OVCH1: variants seen among roughly 807,000 people sequenced by gnomAD.
The protein encoded by OVCH1 is ovochymase 1.
OVCH1 carries 139 observed loss-of-function variants against 138.4 expected under a neutral mutation model. The observed-to-expected ratio is 1.00, with a 90% confidence interval of 0.87 to 1.16. The LOEUF (loss-of-function observed/expected upper bound fraction) is 1.16. Ranked by LOEUF, OVCH1 falls within the 50% of genes most tolerant of loss-of-function variation. The pLI, the probability that OVCH1 is intolerant of heterozygous loss-of-function variation, is 0.00. For synonymous variants in OVCH1, 453 were observed against 467.8 expected (o/e 0.97, Z 0.41); for missense variants, 1,367 against 1,357.9 (o/e 1.01, Z -0.11).
intron 16 of OVCH1, among the ~76,000 whole-genome samples, chr12:29,466,896 C>T (rs922375622): frequency 2.6e-5 from 4 of 152,244 alleles, no homozygotes; most frequent in Middle Eastern, 6.8e-3. Context: ...ACTGTTTCTT[C>T]AGGAAAAGTA....
At chr12:29,491,257 G>A in intron 4 of OVCH1, 65 bp from the exon 5 acceptor site, 3 of 1,331,476 alleles carry the variant, frequency 2.3e-6, no homozygotes, top group African/African-American at 1.5e-5. Context: ...ATTTGGAAAA[G>A]TGAAATCTCT....
chr12:29,462,072 T>G, intron 18 of OVCH1, 64 bp from the exon 19 acceptor site: 1 of 1,537,814 alleles, frequency 6.5e-7, no homozygotes, highest in South Asian at 1.2e-5. Context: ...GTTAGAAATG[T>G]ATTTAAGTTC....
At chr12:29,410,854 G>C (rs1344495306), downstream of OVCH1, among the ~76,000 whole-genome samples, 1 of 151,460 alleles carries the variant, frequency 6.6e-6, no homozygotes, top group Non-Finnish European at 1.5e-5. Context: ...CTGAATGTTG[G>C]CCTGCGTTGC....
At chr12:29,487,806 G>A (rs1233519411) in exon 7 of OVCH1, 2 of 1,606,152 alleles carry the variant, frequency 1.2e-6, no homozygotes, top group Non-Finnish European at 1.7e-6. Context: ...AGCACAACCA[G>A]CTACCCAGGA....
chr12:29,408,103 C>G (rs1024152574), downstream of OVCH1, among the ~76,000 whole-genome samples: 4 of 135,068 alleles, frequency 3.0e-5, no homozygotes, highest in African/African-American at 9.9e-5. Flanking sequence ...ATTTGGCTCT[C>G]TGTTTGTCTG....
At chr12:29,436,943 CG>C (rs1941373969) in intron 26 of OVCH1, among the ~76,000 whole-genome samples, 2 of 152,168 alleles carry the variant, frequency 1.3e-5, no homozygotes, top group Admixed American at 1.3e-4. Context: ...CTGCTGGCCC[CG>C]GTGGCCAGCT....
chr12:29,468,046 G>T (rs1236572574), intron 16 of OVCH1, among the ~76,000 whole-genome samples: 1 of 152,172 alleles, frequency 6.6e-6, no homozygotes, highest in African/African-American at 2.4e-5. Flanking sequence ...ATTAAAAAAT[G>T]TGGCACATAG....
intron 21 of OVCH1, among the ~76,000 whole-genome samples, chr12:29,453,146 A>G (rs950954708): frequency 6.6e-6 from 1 of 152,108 alleles, no homozygotes; most frequent in African/African-American, 2.4e-5. Flanking sequence ...TCATTCATTT[A>G]ACTCAGTCCA....
chr12:29,486,364 G>C lies in OVCH1; in HGVS notation c.893-16C>G. On this transcript the variant is annotated splice_polypyrimidine_tract_variant and intron_variant, in intron 7 of 27. Transcript: ENST00000318184. The stretch of plus-strand genomic sequence containing the variant: ...CGATCCAAACCTGTAAAAGGTATAA[G>C]GAGTTAGTGCCTTTCCCAATAATAA... The C allele has an allele frequency of 6.4e-7, 1 of 1,554,888 alleles. No homozygotes were observed. The highest frequency in any genetic ancestry group is 8.8e-7 in the Non-Finnish European group (1 of 1,130,280).
chr12:29,438,368 C>T (rs1941403087), intron 26 of OVCH1, among the ~76,000 whole-genome samples: 1 of 152,060 alleles, frequency 6.6e-6, no homozygotes. Flanking sequence ...AGCAATTCTA[C>T]CTTAACCATT....
intron 26 of OVCH1, among the ~76,000 whole-genome samples, chr12:29,437,270 CTTAAT>C (rs995451145): frequency 3.9e-5 from 6 of 152,184 alleles, no homozygotes; most frequent in African/African-American, 7.2e-5. Context: ...GGCTTCACCT[CTTAAT>C]TTGTCATTTT....
At chr12:29,415,216 A>G (rs1214050109) in intron 3 of OVCH1, among the ~76,000 whole-genome samples, 1 of 152,230 alleles carries the variant, frequency 6.6e-6, no homozygotes, top group Non-Finnish European at 1.5e-5. Flanking sequence ...TCCTCGGAGA[A>G]CAGGAAAAAG....
downstream of OVCH1, among the ~76,000 whole-genome samples, chr12:29,427,330 G>C (rs1025224590): frequency 1.3e-5 from 2 of 152,190 alleles, no homozygotes; most frequent in Non-Finnish European, 2.9e-5. Flanking sequence ...ACAAAGTTCT[G>C]TTGCCAGGAA....
In OVCH1 at chr12:29,453,616, C is replaced by G. The variant is rs115270692; in HGVS notation, c.2530+1225G>C. Among the ~76,000 whole-genome samples the G allele has an allele frequency of 6.4e-3, 978 of 152,228 alleles. 6 individuals carry two copies. Among genetic ancestry groups the G allele is most frequent in the African/African-American group, 0.023 (937 of 41,538 alleles). ...CCACCTTTTGGGACTCATAATTTAT[C>G]TATCCTACCTTATTTTTGTCCCAAA... On this transcript the variant is annotated intron_variant, in intron 21 of 27. Coordinates refer to ENST00000318184, the Ensembl canonical transcript of OVCH1.
chr12:29,481,565 T>C (rs189847322), intron 8 of OVCH1, among the ~76,000 whole-genome samples: 2 of 152,282 alleles, frequency 1.3e-5, no homozygotes, highest in Non-Finnish European at 2.9e-5. Context: ...TCCTACAGAT[T>C]ACCTTCTTTG....
At chr12:29,483,782 C>G (rs1017020032) in intron 8 of OVCH1, among the ~76,000 whole-genome samples, 10 of 152,154 alleles carry the variant, frequency 6.6e-5, no homozygotes, top group African/African-American at 2.4e-4. Context: ...ATTAGAGCTA[C>G]CAAAGACCTC....
chr12:29,459,838 T>A (rs1038854386), intron 19 of OVCH1, among the ~76,000 whole-genome samples: 2 of 152,200 alleles, frequency 1.3e-5, no homozygotes, highest in African/African-American at 2.4e-5. Context: ...AATAACAGGA[T>A]ACTACGTTGC....
At chr12:29,405,570 A>G in the OVCH1 span, among the ~76,000 whole-genome samples, 2 of 152,194 alleles carry the variant, frequency 1.3e-5, no homozygotes, top group Non-Finnish European at 2.9e-5. Context: ...TTTCTCTCTG[A>G]CGCTGTAATG....
chr12:29,488,772 T>C (rs769526563), intron 6 of OVCH1, among the ~76,000 whole-genome samples: 7 of 152,174 alleles, frequency 4.6e-5, no homozygotes, highest in Non-Finnish European at 7.3e-5. Flanking sequence ...TTGTGTCAGA[T>C]TAAACTCTTC....
Sources: gnomAD v4.1 joint callset for allele counts (sites outside exome capture counted in the v4.1 genomes callset) on GRCh38, gnomAD v4.1.1 for gene constraint, MANE v1.5 for transcripts, NCBI Gene and HGNC (gene_info 2026-07-23, HGNC 2026-07-21) for gene names.